STOX2: variants seen among roughly 807,000 people sequenced by gnomAD.
STOX2 encodes the protein storkhead box 2.
A neutral mutation model predicts 60.9 loss-of-function variants in STOX2; 28 were observed. That is an observed-to-expected ratio of 0.46 (90% CI 0.34 to 0.63). The LOEUF is 0.63. STOX2 is among the 30% of genes least tolerant of loss of function. STOX2 has a pLI of 0.01. For synonymous variants in STOX2, 472 were observed against 463.9 expected (o/e 1.02, Z -0.22); for missense variants, 1,024 against 1,187.7 (o/e 0.86, Z 2.03).
intron 1 of STOX2, among the ~76,000 whole-genome samples, chr4:183,931,863 ATG>A (rs974779409): frequency 6.6e-6 from 1 of 152,232 alleles, no homozygotes; most frequent in African/African-American, 2.4e-5. Flanking sequence ...GAAGCAGTAA[ATG>A]AGAAACTGTA....
rs563851039 is a variant in STOX2, at chr4:183,832,476, A to G, written c.364+34421A>G. On this transcript the variant is annotated intron_variant, in intron 1 of 2. Transcript: ENST00000513034. ...AGATTCTGCAGCTTCTTAGTAGCCT[A>G]TAACCGACTCTTTTTTTTTTTTTTT... 4.2e-5 allele frequency among the ~76,000 whole-genome samples: 6 copies of G among 144,014 alleles called. No homozygotes were observed. In the East Asian group the frequency reaches 1.3e-3, roughly 30 times the overall value. The allele number at this position is 144,014 out of a possible 152,430, so 94.5% of individuals were successfully genotyped here. A position where few individuals can be genotyped will look rare whatever the true frequency, so the allele number is the denominator to read the frequency against.
chr4:183,866,090 A>G (rs1740560319), intron 1 of STOX2, among the ~76,000 whole-genome samples: 1 of 152,128 alleles, frequency 6.6e-6, no homozygotes, highest in Admixed American at 6.5e-5. Flanking sequence ...AGAAAGATAC[A>G]CGTGCTGATG....
chr4:183,966,876 A>T (rs1304192229), intron 1 of STOX2, among the ~76,000 whole-genome samples: 1 of 152,178 alleles, frequency 6.6e-6, no homozygotes, highest in Non-Finnish European at 1.5e-5. Flanking sequence ...GCTATTATAT[A>T]ATCTGTCATT....
chr4:183,908,757 T>A (rs918391131), intron 1 of STOX2, among the ~76,000 whole-genome samples: 2 of 152,210 alleles, frequency 1.3e-5, no homozygotes, highest in Admixed American at 1.3e-4. Context: ...TTTCTTGATC[T>A]ACAAATGGTA....
chr4:183,837,001 C>T (rs1470511554), intron 1 of STOX2, among the ~76,000 whole-genome samples: 1 of 152,126 alleles, frequency 6.6e-6, no homozygotes, highest in Non-Finnish European at 1.5e-5. Flanking sequence ...TAGAGCACAT[C>T]CCTGCTTCTT....
At chr4:183,976,947 A>G (rs1018753398) in intron 1 of STOX2, among the ~76,000 whole-genome samples, 27 of 152,244 alleles carry the variant, frequency 1.8e-4, no homozygotes, top group African/African-American at 6.5e-4. Context: ...ATCCCAAGAA[A>G]TTTACAGAAA....
rs1243474915 is a variant in STOX2 at position 183,894,674 on chromosome 4, C to T, written c.364+96619C>T. ...CATTCCCTTAAATTACAGGAAGCCACATGTTGGAAAAAGGATCCATCCTTT... is the reference window on the plus strand; with the variant it reads ...CATTCCCTTAAATTACAGGAAGCCATATGTTGGAAAAAGGATCCATCCTTT... On this transcript the variant is annotated intron_variant, in intron 1 of 2. Transcript: ENST00000513034. 4.6e-5 allele frequency among the ~76,000 whole-genome samples: 7 copies of T among 152,134 alleles called. No homozygotes were observed. The South Asian group carries it at 1.2e-3, about 27-fold the overall frequency.
At chr4:183,831,032 G>A (rs1262212414) in intron 1 of STOX2, among the ~76,000 whole-genome samples, 2 of 151,900 alleles carry the variant, frequency 1.3e-5, no homozygotes, top group Non-Finnish European at 2.9e-5. Flanking sequence ...AGTCCTCGGC[G>A]GAGATGGCCA....
rs1734593723 is a variant in STOX2, at chr4:184,021,544, A to C, written c.*4260A>C. The C allele has an allele frequency of 6.6e-6, 1 of 152,020 alleles. No homozygotes were observed. The highest frequency in any genetic ancestry group is 1.5e-5 in the Non-Finnish European group (1 of 68,014). 9.4% of individuals were successfully genotyped at this position (152,020 alleles called of 1,614,324 possible). ...TGATTGACAGATCCACCCAAATGCC[A>C]CTGCAGTCAGAAGCAGATCTGGACA... On this transcript the variant is annotated 3_prime_UTR_variant, in exon 4 of 4. Transcript: ENST00000308497.
At chr4:183,970,228 C>T (rs1298073278) in intron 1 of STOX2, among the ~76,000 whole-genome samples, 3 of 146,116 alleles carry the variant, frequency 2.1e-5, no homozygotes, top group Non-Finnish European at 4.5e-5. Context: ...TAGAAATCAG[C>T]TTTTGTTTGC....
chr4:183,965,602 G>C (rs1743542618), intron 1 of STOX2, among the ~76,000 whole-genome samples: 1 of 152,122 alleles, frequency 6.6e-6, no homozygotes, highest in African/African-American at 2.4e-5. Flanking sequence ...CTCAAAAATA[G>C]GGATGCAATT....
At position 183,894,690 on chromosome 4, in the gene STOX2, T is replaced by A. The variant is rs969707804; in HGVS notation, c.364+96635T>A. Among the ~76,000 whole-genome samples, 122 of 152,326 alleles carry A rather than the reference T, an allele frequency of 8.0e-4. 1 individual carries two copies. Among genetic ancestry groups the A allele is most frequent in the African/African-American group, 2.9e-3 (119 of 41,570 alleles). The stretch of plus-strand genomic sequence containing the variant: ...AGGAAGCCACATGTTGGAAAAAGGA[T>A]CCATCCTTTAAACTCCATCTGTGTT... On this transcript the variant is annotated intron_variant, in intron 1 of 2. Transcript: ENST00000513034.
intron 1 of STOX2, among the ~76,000 whole-genome samples, chr4:183,799,408 C>T (rs1486945926): frequency 6.6e-6 from 1 of 152,222 alleles, no homozygotes; most frequent in Non-Finnish European, 1.5e-5. Flanking sequence ...AGGACTGTGA[C>T]ACATTAGGAC....
At chr4:183,941,525 A>G (rs540757512) in intron 1 of STOX2, among the ~76,000 whole-genome samples, 8 of 152,250 alleles carry the variant, frequency 5.3e-5, no homozygotes, top group African/African-American at 1.4e-4. Flanking sequence ...CTGAGATCGC[A>G]CCACTGCACT....
intron 1 of STOX2, among the ~76,000 whole-genome samples, chr4:183,804,415 CAG>C (rs566205632): frequency 2.0e-4 from 30 of 152,246 alleles, no homozygotes; most frequent in African/African-American, 6.7e-4. Context: ...GCTGGAGAAA[CAG>C]AGAGGGTGGC....
chr4:183,829,371 T>C (rs1739514278), intron 1 of STOX2, among the ~76,000 whole-genome samples: 2 of 152,082 alleles, frequency 1.3e-5, no homozygotes, highest in South Asian at 4.2e-4. Flanking sequence ...AAAAAAGCCG[T>C]TTCCTTTCTC....
At chr4:183,932,960 C>T (rs571727565) in intron 1 of STOX2, among the ~76,000 whole-genome samples, 1 of 152,356 alleles carries the variant, frequency 6.6e-6, no homozygotes, top group South Asian at 2.1e-4. Flanking sequence ...ACTTATTCTG[C>T]AGAGCTTGCC....
chr4:183,974,513 TAAAAG>T (rs1287751230), intron 1 of STOX2, among the ~76,000 whole-genome samples: 2 of 152,080 alleles, frequency 1.3e-5, no homozygotes, highest in African/African-American at 4.8e-5. Context: ...ATGAATGTGT[TAAAAG>T]TAAAGTGATA....
intron 1 of STOX2, among the ~76,000 whole-genome samples, chr4:183,891,367 T>C (rs1741210049): frequency 1.2e-4 from 1 of 8,018 alleles, no homozygotes; most frequent in Non-Finnish European, 2.5e-4. Context: ...TTTATATATA[T>C]ATATATATAT....
Sources: gnomAD v4.1 joint callset for allele counts (sites outside exome capture counted in the v4.1 genomes callset) on GRCh38, gnomAD v4.1.1 for gene constraint, MANE v1.5 for transcripts, NCBI Gene and HGNC (gene_info 2026-07-23, HGNC 2026-07-21) for gene names.